EPHB6: variants seen among roughly 807,000 people sequenced by gnomAD.
EPHB6 encodes the protein ephrin type-B receptor 6.
EPHB6 carries 51 observed loss-of-function variants against 107.0 expected under a neutral mutation model. That is an observed-to-expected ratio of 0.48 (90% CI 0.38 to 0.60). The LOEUF is 0.60. EPHB6 is among the 20% of genes least tolerant of loss of function. The probability of loss-of-function intolerance (pLI) is 0.00; values close to 1 mark genes in which losing one functional copy is unlikely to be tolerated. For synonymous variants in EPHB6, 553 were observed against 549.0 expected, an observed-to-expected ratio of 1.01 and a Z score of -0.10; for missense variants, 1,141 against 1,355.5, an observed-to-expected ratio of 0.84 and a Z score of 2.48.
chr7:142,870,809 C>T lies in EPHB6; in HGVS notation c.2974C>T (p.Leu992=). Reference sequence around the variant, plus strand: ...CCTCCCCACCAGAGACCTGCCTGCCCTGGGCATCACCCTGGCTGGCCACCA... The same window carrying T: ...CCTCCCCACCAGAGACCTGCCTGCCTTGGGCATCACCCTGGCTGGCCACCA... The part of the protein sequence containing the change: ...AQLSLEDLPA[L]GITLAGHQKK... Residue 992 remains leucine, a synonymous_variant, in exon 20 of 20, where the codon CTG becomes TTG. Transcript: ENST00000652003. 1.9e-6 allele frequency: 3 copies of T among 1,614,196 alleles called. No individual in the cohort carries two copies. The highest frequency in any genetic ancestry group is 1.7e-6 in the Non-Finnish European group (2 of 1,180,004).
chr7:142,869,798 T>C lies in EPHB6; in HGVS notation c.2461-19T>C. On this transcript the variant is annotated intron_variant, in intron 16 of 19. Coordinates refer to ENST00000652003, the MANE Select transcript of EPHB6 (RefSeq NM_004445.6). The surrounding 1 kb of genome is among the most constrained non-coding windows in gnomAD (Gnocchi z 4.5). ...TATTACTATGATTATTACTATTTGC[T>C]TTTGACTTTACCCCTCAGGGCCCAA... 1 of 1,614,118 alleles carries C rather than the reference T, an allele frequency of 6.2e-7. No individual in the cohort carries two copies.
chr7:142,867,587 C>T lies in EPHB6; in HGVS notation c.1751-21C>T. 6.2e-7 allele frequency: 1 copy of T among 1,600,220 alleles called. No homozygotes were observed. Among genetic ancestry groups the T allele is most frequent in the Non-Finnish European group, 8.5e-7 (1 of 1,172,560 alleles). ...TGTGAGAGACCTGGCCCACCTGTGACCCTGTCGGCTGGTCCCCCAGGGGAG... is the reference window on the plus strand; with the variant it reads ...TGTGAGAGACCTGGCCCACCTGTGATCCTGTCGGCTGGTCCCCCAGGGGAG... On this transcript the variant is annotated intron_variant, in intron 11 of 19. Transcript: ENST00000652003. This position sits in a 1 kb window ranked among gnomAD's most constrained non-coding sequence, Gnocchi z 5.3.
Position 142,868,473 on chromosome 7 carries a change from C to T in EPHB6, c.2039-19C>T, listed in dbSNP as rs931160663. ...CTGTGAGCCTTGATCCCCACCCCAA[C>T]CTACACCTATTTTCCCAGGCTCTTT... On this transcript the variant is annotated intron_variant, in intron 14 of 19. Coordinates refer to ENST00000652003, the MANE Select transcript of EPHB6 (RefSeq NM_004445.6). The surrounding 1 kb of genome is among the most constrained non-coding windows in gnomAD (Gnocchi z 4.2). 4 of 1,613,962 alleles carry T rather than the reference C, an allele frequency of 2.5e-6. No individual in the cohort carries two copies. The highest frequency in any genetic ancestry group is 3.4e-6 in the Non-Finnish European group (4 of 1,180,030).
Position 142,867,129 on chromosome 7 carries a change from C to T in EPHB6, c.1750+61C>T, listed in dbSNP as rs763130444. On this transcript the variant is annotated intron_variant, in intron 11 of 19. Coordinates refer to ENST00000652003, the MANE Select transcript of EPHB6 (RefSeq NM_004445.6). This position sits in a 1 kb window ranked among gnomAD's most constrained non-coding sequence, Gnocchi z 5.3. ...GGCCCAAGTGGGTAGTGAGGAGAGG[C>T]CCAGGGACTGTCCGGCCTTGAACCC... 2.5e-6 allele frequency: 4 copies of T among 1,579,848 alleles called. No individual in the cohort carries two copies. Among genetic ancestry groups the T allele is most frequent in the Non-Finnish European group, 3.4e-6 (4 of 1,164,028 alleles).
Position 142,857,737 on chromosome 7 carries a change from C to G in EPHB6, c.-432+2352C>G, listed in dbSNP as rs980496957. 1.3e-5 allele frequency among the ~76,000 whole-genome samples: 2 copies of G among 152,218 alleles called. 1 individual carries two copies. Among genetic ancestry groups the G allele is most frequent in the South Asian group, 4.1e-4 (2 of 4,838 alleles). On this transcript the variant is annotated intron_variant, in intron 1 of 19. Coordinates refer to ENST00000652003, the MANE Select transcript of EPHB6 (RefSeq NM_004445.6). ...TACTATGTGTTCCCAGTGGACAGTC[C>G]CCTGGGTTCCCCTCTGTCCCTTCAT...
rs745842622 is a variant in EPHB6 at position 142,864,161 on chromosome 7, G to A, written c.361G>A (p.Gly121Ser). 1.1e-5 allele frequency: 17 copies of A among 1,613,814 alleles called. No individual in the cohort carries two copies. The highest frequency in any genetic ancestry group is 7.7e-5 in the South Asian group (7 of 91,094). Residue 121 changes from glycine (G) to serine (S), a missense_variant, in exon 7 of 20, where the codon GGC (glycine) becomes AGC (serine). Physicochemically the swap from Gly to Ser is moderately conservative, Grantham distance 56 (BLOSUM62 0). Coordinates refer to ENST00000652003, the MANE Select transcript of EPHB6 (RefSeq NM_004445.6). ...GGCATGCTCCAGCCTGGGTGTGAGCGGCGGCACCTGCCGGGAGACCTTCAC... is the reference window on the plus strand; with the variant it reads ...GGCATGCTCCAGCCTGGGTGTGAGCAGCGGCACCTGCCGGGAGACCTTCAC... ...VRACSSLGVS[G>S]GTCRETFTLY...
rs1794741414 is a variant in EPHB6, at chr7:142,868,707, A to G, written c.2254A>G (p.Met752Val). The G allele has an allele frequency of 1.9e-6, 3 of 1,613,820 alleles. No individual in the cohort carries two copies. The highest frequency in any genetic ancestry group is 3.3e-5 in the Admixed American group (2 of 60,008). Residue 752 changes from methionine (M) to valine (V), a missense_variant, in exon 15 of 20, where the codon ATG becomes GTG. Transcript: ENST00000652003. This position sits in a 1 kb window ranked among gnomAD's most constrained non-coding sequence, Gnocchi z 4.2. ...ACCCCTCATGGTGCTGACGGAGTTC[A>G]TGGAGCTTGGCCCCCTGGACAGCTT... ...SRPLMVLTEF[M>V]ELGPLDSFLR...
chr7:142,858,674 C>G (rs898946591), intron 1 of EPHB6, among the ~76,000 whole-genome samples: 1 of 150,874 alleles, frequency 6.6e-6, no homozygotes, highest in African/African-American at 2.4e-5. Context: ...TCTCGATCTC[C>G]TGATCTTGTG....
At position 142,867,604 on chromosome 7, in the gene EPHB6, C is replaced by G; in HGVS notation, c.1751-4C>G. ...ACCTGTGACCCTGTCGGCTGGTCCC[C>G]CAGGGGAGCTGTCTTCCCAGCTTCC... On this transcript the variant is annotated splice_region_variant and splice_polypyrimidine_tract_variant and intron_variant, in intron 11 of 19. Coordinates refer to ENST00000652003, the MANE Select transcript of EPHB6 (RefSeq NM_004445.6). The surrounding 1 kb of genome is among the most constrained non-coding windows in gnomAD (Gnocchi z 5.3). 6.2e-7 allele frequency: 1 copy of G among 1,610,180 alleles called. No homozygotes were observed. Among genetic ancestry groups the G allele is most frequent in the Non-Finnish European group, 8.5e-7 (1 of 1,178,644 alleles).
In EPHB6 at chr7:142,867,800, GC is replaced by G; in HGVS notation, c.1865+83del. On this transcript the variant is annotated intron_variant, in intron 12 of 19. Coordinates refer to ENST00000652003, the MANE Select transcript of EPHB6 (RefSeq NM_004445.6). The surrounding 1 kb of genome is among the most constrained non-coding windows in gnomAD (Gnocchi z 5.3). The stretch of plus-strand genomic sequence containing the variant: ...AACCTCAAGTCCTGCCAAGTCTGGA[GC>G]CCCCTGCAGAAACCTCACACTGGTG... 1 of 1,472,000 alleles carries G rather than the reference GC, an allele frequency of 6.8e-7. No individual in the cohort carries two copies. Among genetic ancestry groups the G allele is most frequent in the Non-Finnish European group, 9.3e-7 (1 of 1,078,526 alleles). 91.2% of individuals were successfully genotyped at this position (1,472,000 alleles called of 1,614,324 possible). A position where few individuals can be genotyped will look rare whatever the true frequency, so the allele number is the denominator to read the frequency against.
At chr7:142,862,308 C>A (rs865876706) in intron 3 of EPHB6, among the ~76,000 whole-genome samples, 175 bp downstream of exon 3, 1 of 152,162 alleles carries the variant, frequency 6.6e-6, no homozygotes, top group African/African-American at 2.4e-5. Flanking sequence ...CCTTCTATAA[C>A]AAATGGCCTG....
intron 8 of EPHB6, 23 bp from the exon 9 acceptor site, chr7:142,865,937 T>G: frequency 6.2e-7 from 1 of 1,611,544 alleles, no homozygotes; most frequent in African/African-American, 1.3e-5. Flanking sequence ...GCCCTTGGAC[T>G]GCCATATCCT....
At chr7:142,858,281 T>C (rs183691414) in intron 1 of EPHB6, among the ~76,000 whole-genome samples, 1 of 152,288 alleles carries the variant, frequency 6.6e-6, no homozygotes, top group African/African-American at 2.4e-5. Flanking sequence ...CTTTAAAAAT[T>C]CACTTTGTGG....
Position 142,866,701 on chromosome 7 carries a change from A to C in EPHB6, c.1587+96A>C, listed in dbSNP as rs928491613. Reference sequence around the variant, plus strand: ...GGTGACCAGGTGCACAGGAGGAATGAGGGGTCCGCAACAGGGCTGGCAGGA... The same window carrying C: ...GGTGACCAGGTGCACAGGAGGAATGCGGGGTCCGCAACAGGGCTGGCAGGA... On this transcript the variant is annotated intron_variant, in intron 10 of 19. Transcript: ENST00000652003. The surrounding 1 kb of genome is among the most constrained non-coding windows in gnomAD (Gnocchi z 5.2). 1.2e-6 allele frequency: 2 copies of C among 1,605,098 alleles called. No individual in the cohort carries two copies. The highest frequency in any genetic ancestry group is 2.7e-5 in the African/African-American group (2 of 74,664).
chr7:142,866,708 C>G lies in EPHB6; in HGVS notation c.1587+103C>G, dbSNP rs1168104869. On this transcript the variant is annotated intron_variant, in intron 10 of 19. Coordinates refer to ENST00000652003, the MANE Select transcript of EPHB6 (RefSeq NM_004445.6). The surrounding 1 kb of genome is among the most constrained non-coding windows in gnomAD (Gnocchi z 5.2). ...AGGTGCACAGGAGGAATGAGGGGTC[C>G]GCAACAGGGCTGGCAGGAGCTCACA... is the stretch of plus-strand genomic sequence containing the variant. The G allele has an allele frequency of 1.2e-6, 2 of 1,601,142 alleles. No homozygotes were observed. Among genetic ancestry groups the G allele is most frequent in the Non-Finnish European group, 1.7e-6 (2 of 1,172,636 alleles).
At chr7:142,865,078 C>T (rs1586161605) in intron 7 of EPHB6, among the ~76,000 whole-genome samples, 2 of 152,284 alleles carry the variant, frequency 1.3e-5, no homozygotes, top group East Asian at 3.9e-4. Flanking sequence ...TTCCCATTCG[C>T]CCTTCTGTTG....
At chr7:142,870,498 G>T (rs1794859212) in intron 18 of EPHB6, 32 bp from the exon 19 acceptor site, 3 of 1,613,966 alleles carry the variant, frequency 1.9e-6, no homozygotes, top group East Asian at 2.2e-5. Flanking sequence ...ATGAAGAGGA[G>T]ACCTTGACCC....
In EPHB6 at chr7:142,864,337, G is replaced by T; in HGVS notation, c.537G>T (p.Ala179=). The part of the protein sequence containing the change: ...SSSSSSSSSA[A]WAVGPHGAGQ... ...CCTCCTCCTCTTCTTCCTCTGCAGC[G>T]TGGGCTGTGGGACCCCACGGGGCTG... The change falls in exon 7 of 20, where the codon GCG becomes GCT. Residue 179 remains alanine, a synonymous_variant. Coordinates refer to ENST00000652003, the MANE Select transcript of EPHB6 (RefSeq NM_004445.6). The T allele has an allele frequency of 1.2e-6, 2 of 1,613,338 alleles. No homozygotes were observed. Among genetic ancestry groups the T allele is most frequent in the South Asian group, 1.1e-5 (1 of 91,074 alleles).
Position 142,868,664 on chromosome 7 carries a change from C to T in EPHB6, c.2211C>T (p.Gly737=), listed in dbSNP as rs147277093. ...ACCCCAACATCCTGCGGCTGGAGGGCGTGGTCACCAAGAGCCGACCCCTCA... is the reference window on the plus strand; with the variant it reads ...ACCCCAACATCCTGCGGCTGGAGGGTGTGGTCACCAAGAGCCGACCCCTCA... The part of the protein sequence containing the change: ...FQHPNILRLE[G]VVTKSRPLMV... Residue 737 remains glycine, a synonymous_variant, in exon 15 of 20, where the codon GGC becomes GGT. Coordinates refer to ENST00000652003, the MANE Select transcript of EPHB6 (RefSeq NM_004445.6). This position sits in a 1 kb window ranked among gnomAD's most constrained non-coding sequence, Gnocchi z 4.2. 4 of 1,613,832 alleles carry T rather than the reference C, an allele frequency of 2.5e-6. No homozygotes were observed. The highest frequency in any genetic ancestry group is 3.4e-6 in the Non-Finnish European group (4 of 1,180,004).
Sources: gnomAD v4.1 joint callset for allele counts (sites outside exome capture counted in the v4.1 genomes callset) on GRCh38, gnomAD v4.1.1 for gene constraint, Gnocchi (gnomAD v3.1) non-coding constraint, MANE v1.5 for transcripts, NCBI Gene and HGNC (gene_info 2026-07-23, HGNC 2026-07-21) for gene names.